The following SAMD5 variants were observed in gnomAD, a reference collection of about 807,000 sequenced individuals.
SAMD5 encodes sterile alpha motif domain-containing protein 5.
In SAMD5, 13 loss-of-function variants were observed where a neutral mutation model predicts 11.3. The ratio of observed to expected loss-of-function variants is 1.15; its 90% confidence interval spans 0.75 to 1.83. The LOEUF (loss-of-function observed/expected upper bound fraction) is 1.83, where lower values mean the gene tolerates loss of function less well. Among genes scored for constraint, SAMD5 ranks in the 40% most tolerant of loss-of-function variants. The pLI is 0.00. For synonymous variants in SAMD5, 129 were observed against 111.3 expected, an observed-to-expected ratio of 1.16 and a Z score of -1.00; for missense variants, 255 against 239.1, an observed-to-expected ratio of 1.07 and a Z score of -0.44.
chr6:147,788,743 G>C, the SAMD5 span, among the ~76,000 whole-genome samples: 1 of 152,148 alleles, frequency 6.6e-6, no homozygotes, highest in Non-Finnish European at 1.5e-5. Context: ...TTGCCAGTGA[G>C]TGGCAAAAGT....
At chr6:147,942,414 T>A in the SAMD5 span, among the ~76,000 whole-genome samples, 1 of 152,246 alleles carries the variant, frequency 6.6e-6, no homozygotes, top group African/African-American at 2.4e-5. Flanking sequence ...TGTGATCAAA[T>A]GTCCTATTCG....
At chr6:147,883,516 G>A in the SAMD5 span, among the ~76,000 whole-genome samples, 39 of 152,036 alleles carry the variant, frequency 2.6e-4, no homozygotes, top group African/African-American at 9.4e-4. Context: ...AGAGTTTAGT[G>A]TATTTTTCCT....
chr6:147,634,710 C>T (rs1790199512), intron 1 of SAMD5, among the ~76,000 whole-genome samples: 1 of 152,142 alleles, frequency 6.6e-6, no homozygotes, highest in African/African-American at 2.4e-5. Flanking sequence ...TATTTTTCAT[C>T]CCATAGAATG....
chr6:147,591,305 G>A (rs1789450485), intron 1 of SAMD5, among the ~76,000 whole-genome samples: 1 of 152,144 alleles, frequency 6.6e-6, no homozygotes, highest in African/African-American at 2.4e-5. Context: ...GAACTCCAGT[G>A]GCATATAAAG....
intron 1 of SAMD5, among the ~76,000 whole-genome samples, chr6:147,697,817 G>T (rs970869450): frequency 6.6e-6 from 1 of 152,050 alleles, no homozygotes; most frequent in African/African-American, 2.4e-5. Context: ...CAGTTCCTGC[G>T]GATGGAACTC....
At position 147,514,980 on chromosome 6, in the gene SAMD5, T is replaced by G. The variant is rs183371804; in HGVS notation, c.459+5593T>G. Among the ~76,000 whole-genome samples the G allele has an allele frequency of 3.8e-3, 581 of 152,158 alleles. 5 individuals carry two copies. Among genetic ancestry groups the G allele is most frequent in the Middle Eastern group, 0.024 (7 of 294 alleles). ...AATATTTAGAAAGGAAAGAGAGAGA[T>G]TGGCAAAGATGTGCTTGTGTCCTTT... On this transcript the variant is annotated intron_variant, in intron 1 of 1. Transcript: ENST00000367474.
chr6:147,845,870 T>C, the SAMD5 span, among the ~76,000 whole-genome samples: 1 of 152,204 alleles, frequency 6.6e-6, no homozygotes, highest in Non-Finnish European at 1.5e-5. Flanking sequence ...ATTACCCTTT[T>C]AGGCATTTAT....
chr6:147,891,389 C>A, the SAMD5 span, among the ~76,000 whole-genome samples: 1 of 152,110 alleles, frequency 6.6e-6, no homozygotes, highest in Non-Finnish European at 1.5e-5. Flanking sequence ...AGATTTATGG[C>A]AGACTAGTGG....
Position 147,587,479 on chromosome 6 carries a change from C to T in SAMD5, c.162+78092C>T, listed in dbSNP as rs377157192. 9.5e-4 allele frequency among the ~76,000 whole-genome samples: 144 copies of T among 152,090 alleles called. 2 individuals are homozygous for T. Among genetic ancestry groups the T allele is most frequent in the African/African-American group, 2.1e-3 (86 of 41,418 alleles). ...CTCAAACTCCTGACCTCAAGTGATC[C>T]GCCTGCCTTGATCTCCCAATGTGCT... On this transcript the variant is annotated intron_variant, in intron 1 of 1. Coordinates refer to the SAMD5 transcript ENST00000566741.
At chr6:147,594,332 A>T (rs1789498657) in intron 1 of SAMD5, among the ~76,000 whole-genome samples, 1 of 152,166 alleles carries the variant, frequency 6.6e-6, no homozygotes, top group Non-Finnish European at 1.5e-5. Context: ...GGAGAATGAA[A>T]TAGTCTCTAT....
chr6:147,829,593 G>A, the SAMD5 span, among the ~76,000 whole-genome samples: 3 of 152,046 alleles, frequency 2.0e-5, no homozygotes, highest in East Asian at 1.9e-4. Context: ...ATGCATATAC[G>A]TGAATATTAC....
the SAMD5 span, among the ~76,000 whole-genome samples, chr6:147,911,366 T>C: frequency 6.6e-6 from 1 of 152,090 alleles, no homozygotes; most frequent in Non-Finnish European, 1.5e-5. Flanking sequence ...ATCTCCACCA[T>C]ATGAAGTTAA....
At position 147,565,307 on chromosome 6, in the gene SAMD5, G is replaced by A. The variant is rs1562322090; in HGVS notation, c.*851G>A. On this transcript the variant is annotated 3_prime_UTR_variant, in exon 2 of 2. Transcript: ENST00000367474. ...TCTCCAGGCTTCTGACTTCAGGCCT[G>A]TGGGGGCCGGGAGGTGGGCAGCGGC... The A allele has an allele frequency of 1.0e-6, 1 of 985,840 alleles. No homozygotes were observed. The highest frequency in any genetic ancestry group is 1.7e-5 in the African/African-American group (1 of 57,246). 61.1% of individuals were successfully genotyped at this position (985,840 alleles called of 1,614,324 possible).
the SAMD5 span, among the ~76,000 whole-genome samples, chr6:147,833,183 G>A: frequency 6.6e-6 from 1 of 152,304 alleles, no homozygotes; most frequent in East Asian, 1.9e-4. Flanking sequence ...GTGAGGCTGT[G>A]TGGCTCTTTA....
chr6:147,933,183 C>T, the SAMD5 span, among the ~76,000 whole-genome samples: 4 of 152,282 alleles, frequency 2.6e-5, no homozygotes, highest in East Asian at 5.8e-4. Context: ...AAGCTATGCT[C>T]GTGGTCCAAC....
chr6:147,515,081 C>T (rs996312877), intron 1 of SAMD5, among the ~76,000 whole-genome samples: 12 of 150,288 alleles, frequency 8.0e-5, no homozygotes, highest in Admixed American at 1.3e-4. Flanking sequence ...CTTCTGCGTT[C>T]GTGACATTAC....
chr6:147,596,622 T>A (rs1335931460), intron 1 of SAMD5, among the ~76,000 whole-genome samples: 1 of 152,232 alleles, frequency 6.6e-6, no homozygotes, highest in Admixed American at 6.5e-5. Context: ...CTTTCCCCAA[T>A]TATTAATGAG....
the SAMD5 span, among the ~76,000 whole-genome samples, chr6:147,873,273 A>G: frequency 6.6e-6 from 1 of 151,952 alleles, no homozygotes; most frequent in East Asian, 1.9e-4. Context: ...GCTACTCGGG[A>G]GGCTGAGGCA....
At chr6:147,920,012 C>T in the SAMD5 span, among the ~76,000 whole-genome samples, 1 of 152,202 alleles carries the variant, frequency 6.6e-6, no homozygotes, top group East Asian at 1.9e-4. Context: ...TGTTCAACAT[C>T]CCTTTGACTG....
Sources: allele counts gnomAD v4.1 joint callset (sites outside exome capture counted in the v4.1 genomes callset), GRCh38; gene constraint gnomAD v4.1.1; transcripts MANE v1.5; gene names NCBI Gene and HGNC (gene_info 2026-07-23, HGNC 2026-07-21).